LRP1B: variants seen among roughly 807,000 people sequenced by gnomAD.
LRP1B encodes low-density lipoprotein receptor-related protein 1B.
In LRP1B, 217 loss-of-function variants were observed where a neutral mutation model predicts 556.6. That is an observed-to-expected ratio of 0.39 (90% confidence interval 0.35 to 0.44). The LOEUF is 0.44. Ranked by LOEUF, LRP1B falls within the 20% of genes least tolerant of loss-of-function variation. The probability of loss-of-function intolerance (pLI) is 1.00; values close to 1 mark genes in which losing one functional copy is unlikely to be tolerated. For synonymous variants in LRP1B, 2,047 were observed against 1,865.8 expected, an observed-to-expected ratio of 1.10 and a Z score of -2.50; for missense variants, 5,053 against 5,620.8, an observed-to-expected ratio of 0.90 and a Z score of 3.23.
At chr2:141,957,103 G>A (rs1369606168) in intron 1 of LRP1B, among the ~76,000 whole-genome samples, 2 of 151,986 alleles carry the variant, frequency 1.3e-5, no homozygotes, top group African/African-American at 2.4e-5. Context: ...GTTATTTTGT[G>A]TATAAATAAG....
At chr2:141,549,154 C>A (rs952285991) in intron 2 of LRP1B, among the ~76,000 whole-genome samples, 1 of 152,112 alleles carries the variant, frequency 6.6e-6, no homozygotes, top group Non-Finnish European at 1.5e-5. Context: ...TGGAGTTAGA[C>A]AACAAAGTTT....
intron 66 of LRP1B, among the ~76,000 whole-genome samples, chr2:140,426,699 G>A (rs372047690): frequency 4.3e-4 from 66 of 152,058 alleles, no homozygotes; most frequent in African/African-American, 1.4e-3. Flanking sequence ...ATCTTCCTTC[G>A]CTGACTCTTT....
At chr2:140,385,447 G>T (rs1193105681) in intron 67 of LRP1B, among the ~76,000 whole-genome samples, 2 of 152,066 alleles carry the variant, frequency 1.3e-5, no homozygotes, top group East Asian at 1.9e-4. Flanking sequence ...ATAAGGTGTT[G>T]ACTACTGTAG....
chr2:141,047,930 C>G (rs1251706796), intron 11 of LRP1B, among the ~76,000 whole-genome samples: 2 of 152,090 alleles, frequency 1.3e-5, no homozygotes, highest in Non-Finnish European at 2.9e-5. Context: ...AAAGATATCT[C>G]TTGCTTCCTG....
intron 83 of LRP1B, among the ~76,000 whole-genome samples, chr2:140,303,908 T>C (rs1573759807): frequency 6.6e-6 from 1 of 150,546 alleles, no homozygotes; most frequent in East Asian, 2.0e-4. Context: ...GAACGTGTGG[T>C]GTTTGGTTTT....
chr2:141,091,763 T>C (rs1055212888), intron 7 of LRP1B, among the ~76,000 whole-genome samples: 3 of 152,344 alleles, frequency 2.0e-5, no homozygotes, highest in South Asian at 4.1e-4. Flanking sequence ...GAAAAGTCTA[T>C]GATAATCATA....
At chr2:141,864,069 G>A (rs781422540) in intron 1 of LRP1B, among the ~76,000 whole-genome samples, 21 of 151,970 alleles carry the variant, frequency 1.4e-4, no homozygotes, top group Non-Finnish European at 2.9e-4. Flanking sequence ...TGATGCTTTG[G>A]TTAAACAGCA....
At chr2:140,711,603 A>T (rs1243629013) in intron 37 of LRP1B, among the ~76,000 whole-genome samples, 1 of 150,156 alleles carries the variant, frequency 6.7e-6, no homozygotes, top group Non-Finnish European at 1.5e-5. Context: ...GTTATTATTC[A>T]ATGTCATATA....
At chr2:140,348,397 TA>T (rs1276957317) in intron 77 of LRP1B, among the ~76,000 whole-genome samples, 1 of 152,106 alleles carries the variant, frequency 6.6e-6, no homozygotes, top group Non-Finnish European at 1.5e-5. Context: ...ATTTGGCTTA[TA>T]GTGCTAAAAC....
At chr2:140,993,202 T>C (rs895069300) in intron 16 of LRP1B, among the ~76,000 whole-genome samples, 5 of 152,028 alleles carry the variant, frequency 3.3e-5, no homozygotes, top group African/African-American at 1.2e-4. Context: ...GAAAAAAAAT[T>C]AAAAACAATG....
intron 7 of LRP1B, among the ~76,000 whole-genome samples, chr2:141,139,929 A>C (rs1701599993): frequency 6.6e-6 from 1 of 151,972 alleles, no homozygotes; most frequent in East Asian, 1.9e-4. Context: ...TAATAGAAAA[A>C]AACTTGAAGC....
chr2:141,964,163 T>C (rs1330575267), intron 1 of LRP1B, among the ~76,000 whole-genome samples: 6 of 150,806 alleles, frequency 4.0e-5, no homozygotes, highest in African/African-American at 1.5e-4. Flanking sequence ...AAAATGGCCA[T>C]ACTGCCCAAG....
chr2:140,398,250 C>T (rs1339243474), intron 66 of LRP1B, among the ~76,000 whole-genome samples: 1 of 151,938 alleles, frequency 6.6e-6, no homozygotes, highest in Non-Finnish European at 1.5e-5. Context: ...TATTTATCTA[C>T]ATACATATAT....
intron 1 of LRP1B, among the ~76,000 whole-genome samples, chr2:142,015,848 C>T (rs191771118): frequency 0.025 from 3,750 of 151,606 alleles, 165 homozygotes; most frequent in East Asian, 0.17. Context: ...AAAAATTAGC[C>T]GGGCGTGGTG....
intron 7 of LRP1B, among the ~76,000 whole-genome samples, chr2:141,147,473 T>A (rs907928736): frequency 2.6e-5 from 4 of 152,212 alleles, no homozygotes; most frequent in Non-Finnish European, 4.4e-5. Flanking sequence ...GTTTTACGTA[T>A]TAAAATTATG....
At chr2:141,210,909 T>G (rs1261121071) in intron 6 of LRP1B, among the ~76,000 whole-genome samples, 1 of 152,204 alleles carries the variant, frequency 6.6e-6, no homozygotes. Context: ...GGAATAGTCT[T>G]TGCAGCCTAA....
chr2:141,318,201 G>C (rs1687099752), intron 3 of LRP1B, among the ~76,000 whole-genome samples: 1 of 152,012 alleles, frequency 6.6e-6, no homozygotes, highest in South Asian at 2.1e-4. Context: ...CACCATACCA[G>C]GTACTACACT....
chr2:140,706,731 C>G (rs1225157148), intron 37 of LRP1B, among the ~76,000 whole-genome samples: 1 of 152,092 alleles, frequency 6.6e-6, no homozygotes, highest in Non-Finnish European at 1.5e-5. Context: ...CTAGCAAACC[C>G]TTAATGGACC....
intron 3 of LRP1B, among the ~76,000 whole-genome samples, chr2:141,278,901 T>C (rs2105383388): frequency 6.6e-6 from 1 of 152,288 alleles, no homozygotes; most frequent in Non-Finnish European, 1.5e-5. Context: ...TCAATTACTC[T>C]TAATTGCACA....
Sources: allele counts gnomAD v4.1 joint callset (sites outside exome capture counted in the v4.1 genomes callset), GRCh38; gene constraint gnomAD v4.1.1; transcripts MANE v1.5; gene names NCBI Gene and HGNC (gene_info 2026-07-23, HGNC 2026-07-21).